The following SPAG16 variants were observed in gnomAD, a reference collection of about 807,000 sequenced individuals.
SPAG16 encodes the protein sperm-associated antigen 16 protein.
SPAG16 carries 86 observed loss-of-function variants against 80.4 expected under a neutral mutation model. The observed-to-expected ratio is 1.07, with a 90% CI of 0.90 to 1.28. The LOEUF (loss-of-function observed/expected upper bound fraction) is 1.28, where lower values mean the gene tolerates loss of function less well. SPAG16 is among the 50% of genes most tolerant of loss of function. The pLI, the probability that SPAG16 is intolerant of heterozygous loss-of-function variation, is 0.00. For synonymous variants in SPAG16, 294 were observed against 265.9 expected, an observed-to-expected ratio of 1.11 and a Z score of -1.03; for missense variants, 870 against 765.3, an observed-to-expected ratio of 1.14 and a Z score of -1.61.
intron 10 of SPAG16, among the ~76,000 whole-genome samples, chr2:213,535,038 A>T (rs1423561428): frequency 2.0e-5 from 3 of 152,166 alleles, no homozygotes; most frequent in Non-Finnish European, 4.4e-5. Flanking sequence ...CAACCCTGCT[A>T]ACATTTGATC....
intron 10 of SPAG16, among the ~76,000 whole-genome samples, chr2:213,798,426 G>A (rs993336647): frequency 4.7e-5 from 7 of 150,342 alleles, no homozygotes; most frequent in African/African-American, 1.2e-4. Context: ...GCTAATTTTT[G>A]TTTTTTTTTA....
At chr2:213,532,039 A>C (rs1465427164) in intron 10 of SPAG16, among the ~76,000 whole-genome samples, 1 of 152,204 alleles carries the variant, frequency 6.6e-6, no homozygotes, top group African/African-American at 2.4e-5. Flanking sequence ...GGCATCAAGA[A>C]ATTCTTTTAT....
intron 15 of SPAG16, among the ~76,000 whole-genome samples, chr2:214,163,576 GTA>G (rs376431032): frequency 3.2e-4 from 35 of 110,934 alleles, no homozygotes; most frequent in African/African-American, 4.7e-4. Flanking sequence ...ATGTGTGTGT[GTA>G]TATATATATA....
At chr2:213,407,706 G>GAC in intron 9 of SPAG16, among the ~76,000 whole-genome samples, 1 of 145,804 alleles carries the variant, frequency 6.9e-6, no homozygotes, top group Admixed American at 6.9e-5. Flanking sequence ...GAGAGAGAGA[G>GAC]ACAGAGGAAA....
chr2:213,906,433 C>T (rs12616176), intron 11 of SPAG16, among the ~76,000 whole-genome samples: 39,748 of 151,938 alleles, frequency 0.26, 5,452 homozygotes, highest in East Asian at 0.4. Context: ...TTAAAATGGC[C>T]GTAATACCCA....
intron 10 of SPAG16, among the ~76,000 whole-genome samples, chr2:213,702,461 C>A (rs991440523): frequency 6.6e-6 from 1 of 152,180 alleles, no homozygotes; most frequent in South Asian, 2.1e-4. Flanking sequence ...GCCAGTGAGA[C>A]CACGAACTCA....
rs904514759 is a variant in SPAG16, at chr2:214,197,859, AAT to A, written c.1720+48604_1720+48605del. Reference sequence around the variant, plus strand: ...GAATATTAAACACCCAGATTTCTAAAATATATATATATTATGAAATAAATATT... The same window carrying A: ...GAATATTAAACACCCAGATTTCTAAAATATATATATTATGAAATAAATATT... On this transcript the variant is annotated intron_variant, in intron 15 of 15. Transcript: ENST00000331683. Among the ~76,000 whole-genome samples the A allele has an allele frequency of 7.9e-5, 12 of 151,548 alleles. No individual in the cohort carries two copies. The East Asian group carries it at 1.7e-3, about 22-fold the overall frequency.
At chr2:214,353,949 T>C (rs1267087531) in intron 15 of SPAG16, among the ~76,000 whole-genome samples, 2 of 152,136 alleles carry the variant, frequency 1.3e-5, no homozygotes, top group Non-Finnish European at 2.9e-5. Flanking sequence ...TCTTCACTGA[T>C]GTCAGTCTCT....
rs567750640 is a variant in SPAG16 at position 213,419,715 on chromosome 2, A to C, written c.942+44596A>C. 2.0e-5 allele frequency among the ~76,000 whole-genome samples: 3 copies of C among 152,286 alleles called. No individual in the cohort carries two copies. In the South Asian group the frequency reaches 6.2e-4, roughly 32 times the overall value. On this transcript the variant is annotated intron_variant, in intron 9 of 15. Coordinates refer to ENST00000331683, the MANE Select transcript of SPAG16 (RefSeq NM_024532.5). ...AATTCACATTACATGTGTGCTACTT[A>C]TTGATATATGGACTACATTGTGGTT... is the stretch of plus-strand genomic sequence containing the variant.
chr2:214,223,555 G>T (rs2058633262), intron 15 of SPAG16, among the ~76,000 whole-genome samples: 1 of 152,014 alleles, frequency 6.6e-6, no homozygotes, highest in African/African-American at 2.4e-5. Flanking sequence ...AATTTAAGAG[G>T]TTGGTATTTA....
At chr2:214,000,726 T>G (rs942174984) in intron 12 of SPAG16, among the ~76,000 whole-genome samples, 1 of 152,162 alleles carries the variant, frequency 6.6e-6, no homozygotes, top group African/African-American at 2.4e-5. Flanking sequence ...GATAATGTGA[T>G]AGTGATGTGT....
At chr2:213,837,193 A>C (rs904171538) in intron 10 of SPAG16, among the ~76,000 whole-genome samples, 1 of 152,196 alleles carries the variant, frequency 6.6e-6, no homozygotes, top group African/African-American at 2.4e-5. Flanking sequence ...TCCATATAAT[A>C]CTCCTGTCTT....
At chr2:213,885,501 T>TA (rs1474178269) in intron 11 of SPAG16, among the ~76,000 whole-genome samples, 1 of 152,196 alleles carries the variant, frequency 6.6e-6, no homozygotes, top group Admixed American at 6.5e-5. Flanking sequence ...GTTTATCAGT[T>TA]ACAAAAATTA....
intron 9 of SPAG16, among the ~76,000 whole-genome samples, chr2:213,455,777 C>T (rs1045173151): frequency 2.0e-5 from 3 of 152,186 alleles, no homozygotes; most frequent in Non-Finnish European, 4.4e-5. Context: ...TAATGCTCCC[C>T]TGCCCATGGC....
chr2:214,379,265 G>T (rs1221946257), intron 15 of SPAG16, among the ~76,000 whole-genome samples: 1 of 152,152 alleles, frequency 6.6e-6, no homozygotes, highest in Non-Finnish European at 1.5e-5. Context: ...AAAGTAACAG[G>T]AAGAAAAAGA....
chr2:213,836,186 C>CG (rs1390031341), intron 10 of SPAG16, among the ~76,000 whole-genome samples: 3 of 145,194 alleles, frequency 2.1e-5, no homozygotes, highest in Admixed American at 1.4e-4. Flanking sequence ...GCCCCCCCCC[C>CG]CATTTCCTAT....
intron 12 of SPAG16, among the ~76,000 whole-genome samples, chr2:213,954,871 G>T (rs74617493): frequency 7.6e-4 from 116 of 152,252 alleles, no homozygotes; most frequent in Middle Eastern, 3.4e-3. Context: ...TAGCTGTGAA[G>T]TCATAAAACA....
chr2:214,404,296 A>C (rs997994098), intron 15 of SPAG16, among the ~76,000 whole-genome samples: 1 of 152,222 alleles, frequency 6.6e-6, no homozygotes, highest in Non-Finnish European at 1.5e-5. Context: ...CATATTCTGC[A>C]ACTGCCACAC....
chr2:213,928,046 T>C (rs2078567919), intron 11 of SPAG16, among the ~76,000 whole-genome samples: 1 of 152,176 alleles, frequency 6.6e-6, no homozygotes, highest in Non-Finnish European at 1.5e-5. Context: ...TTTGGTGATT[T>C]TTCAGATAGT....
Sources: allele counts gnomAD v4.1 joint callset (sites outside exome capture counted in the v4.1 genomes callset), GRCh38; gene constraint gnomAD v4.1.1; transcripts MANE v1.5; gene names NCBI Gene and HGNC (gene_info 2026-07-23, HGNC 2026-07-21).